DLGAP1: variants seen among roughly 807,000 people sequenced by gnomAD.
The protein encoded by DLGAP1 is DLG associated protein 1, also known as disks large-associated protein 1.
A neutral mutation model predicts 90.8 loss-of-function variants in DLGAP1; 11 were observed. The ratio of observed to expected loss-of-function variants is 0.12; its 90% CI spans 0.08 to 0.20. The LOEUF (loss-of-function observed/expected upper bound fraction) is 0.20. Ranked by LOEUF, DLGAP1 falls within the 10% of genes least tolerant of loss-of-function variation. The pLI is 1.00. For missense variants in DLGAP1, 1,050 were observed against 1,333.8 expected, an observed-to-expected ratio of 0.79 and a Z score of 3.31; for synonymous variants, 558 against 540.7, an observed-to-expected ratio of 1.03 and a Z score of -0.44.
intron 5 of DLGAP1, among the ~76,000 whole-genome samples, chr18:3,743,314 T>A (rs953861097): frequency 6.6e-6 from 1 of 152,108 alleles, no homozygotes; most frequent in Non-Finnish European, 1.5e-5. Flanking sequence ...CTTCTATTCA[T>A]ATATAATCAA....
At chr18:4,432,323 C>A (rs1258348982) in intron 1 of DLGAP1, among the ~76,000 whole-genome samples, 2 of 152,116 alleles carry the variant, frequency 1.3e-5, no homozygotes, top group African/African-American at 4.8e-5. Context: ...AAACGTTTTA[C>A]TATTAAACAT....
intron 1 of DLGAP1, among the ~76,000 whole-genome samples, chr18:4,307,162 T>C (rs1487559898): frequency 1.3e-5 from 2 of 152,224 alleles, no homozygotes; most frequent in Non-Finnish European, 2.9e-5. Flanking sequence ...GAGAGGGCAC[T>C]GTGTGTATCC....
At chr18:4,307,244 T>G (rs890466900) in intron 1 of DLGAP1, among the ~76,000 whole-genome samples, 2 of 152,158 alleles carry the variant, frequency 1.3e-5, no homozygotes, top group African/African-American at 4.8e-5. Flanking sequence ...TAGCATTGAA[T>G]AGTGAAGAGA....
chr18:4,366,637 G>A (rs964620926), intron 1 of DLGAP1, among the ~76,000 whole-genome samples: 1 of 151,486 alleles, frequency 6.6e-6, no homozygotes, highest in South Asian at 2.1e-4. Context: ...AAAACGCTGA[G>A]AAACACTGGT....
At chr18:4,018,487 G>A (rs890626425) in intron 2 of DLGAP1, among the ~76,000 whole-genome samples, 4 of 152,226 alleles carry the variant, frequency 2.6e-5, no homozygotes, top group Non-Finnish European at 4.4e-5. Flanking sequence ...CTGGCAGAAC[G>A]AGTACCTTGG....
At chr18:3,833,304 G>A (rs1172112894) in intron 4 of DLGAP1, among the ~76,000 whole-genome samples, 1 of 150,786 alleles carries the variant, frequency 6.6e-6, no homozygotes, top group African/African-American at 2.4e-5. Context: ...TGCAATCACA[G>A]CTCACTGCAG....
chr18:3,699,765 C>T (rs2061217719), intron 7 of DLGAP1, among the ~76,000 whole-genome samples: 1 of 152,186 alleles, frequency 6.6e-6, no homozygotes, highest in African/African-American at 2.4e-5. Context: ...GTGCTCTGTC[C>T]CAGGGAGATG....
chr18:4,319,484 T>C (rs1006910959), intron 1 of DLGAP1, among the ~76,000 whole-genome samples: 2 of 152,202 alleles, frequency 1.3e-5, no homozygotes, highest in African/African-American at 4.8e-5. Flanking sequence ...ATTAGGGTCA[T>C]ATTAATAATC....
At chr18:3,749,666 A>T (rs1193809754) in intron 5 of DLGAP1, among the ~76,000 whole-genome samples, 2 of 152,192 alleles carry the variant, frequency 1.3e-5, no homozygotes, top group Non-Finnish European at 2.9e-5. Flanking sequence ...TGTAGTCTAG[A>T]GATCTCTTGA....
At chr18:3,714,638 GGTTT>G (rs1354869680) in intron 7 of DLGAP1, among the ~76,000 whole-genome samples, 4 of 125,748 alleles carry the variant, frequency 3.2e-5, no homozygotes, top group African/African-American at 1.3e-4. Context: ...CTGATTACGT[GGTTT>G]TTTTTTTTTT....
At chr18:3,939,809 G>A (rs2072730897) in intron 3 of DLGAP1, among the ~76,000 whole-genome samples, 1 of 152,150 alleles carries the variant, frequency 6.6e-6, no homozygotes, top group African/African-American at 2.4e-5. Context: ...GGCTTCTGAG[G>A]CTCAAACACA....
intron 5 of DLGAP1, among the ~76,000 whole-genome samples, chr18:3,761,314 C>T (rs2063952062): frequency 1.3e-5 from 2 of 152,202 alleles, no homozygotes; most frequent in Admixed American, 6.5e-5. Context: ...TCACTCTAGG[C>T]ACCTCATATA....
At chr18:4,002,094 T>C (rs1180605673) in intron 3 of DLGAP1, among the ~76,000 whole-genome samples, 1 of 152,090 alleles carries the variant, frequency 6.6e-6, no homozygotes, top group Non-Finnish European at 1.5e-5. Flanking sequence ...GTCTGGGAGG[T>C]CTTGCTTTTG....
chr18:3,681,795 C>T (rs1024568299), intron 7 of DLGAP1, among the ~76,000 whole-genome samples: 2 of 152,026 alleles, frequency 1.3e-5, no homozygotes, highest in South Asian at 2.1e-4. Flanking sequence ...TGATATTGTC[C>T]TCATGATAGT....
chr18:4,401,091 A>G (rs2082544117), intron 1 of DLGAP1, among the ~76,000 whole-genome samples: 1 of 152,224 alleles, frequency 6.6e-6, no homozygotes, highest in South Asian at 2.1e-4. Flanking sequence ...GGAAACAGGA[A>G]ATCAAGTGAC....
chr18:4,079,504 G>A (rs867317174), intron 2 of DLGAP1, among the ~76,000 whole-genome samples: 1 of 151,926 alleles, frequency 6.6e-6, no homozygotes, highest in Non-Finnish European at 1.5e-5. Flanking sequence ...AAGGCATAGC[G>A]AGTGGCATAA....
chr18:3,916,217 G>A (rs2072140602), intron 3 of DLGAP1, among the ~76,000 whole-genome samples: 1 of 152,100 alleles, frequency 6.6e-6, no homozygotes. Flanking sequence ...AGACACCCAC[G>A]GTCACAGTTG....
intron 1 of DLGAP1, among the ~76,000 whole-genome samples, chr18:4,363,848 C>T (rs1352218130): frequency 2.8e-5 from 4 of 142,328 alleles, no homozygotes; most frequent in African/African-American, 4.9e-5. Flanking sequence ...GTCACTGTGG[C>T]GATTCCTCAG....
At chr18:4,023,066 C>G (rs201944363) in intron 2 of DLGAP1, among the ~76,000 whole-genome samples, 2 of 151,580 alleles carry the variant, frequency 1.3e-5, no homozygotes, top group East Asian at 3.8e-4. Flanking sequence ...TATATATCTT[C>G]GCCAGCATTT....
Sources: gnomAD v4.1 joint callset for allele counts (sites outside exome capture counted in the v4.1 genomes callset) on GRCh38, gnomAD v4.1.1 for gene constraint, MANE v1.5 for transcripts, NCBI Gene and HGNC (gene_info 2026-07-23, HGNC 2026-07-21) for gene names.